Variants in ASH1L observed in about 807,000 individuals in gnomAD.
ASH1L encodes histone-lysine N-methyltransferase ASH1L.
Under a neutral mutation model 269.0 loss-of-function variants are expected in ASH1L, and 23 were observed. That is an observed-to-expected ratio of 0.09 (90% confidence interval 0.06 to 0.12). The LOEUF (loss-of-function observed/expected upper bound fraction) is 0.12. Ranked by LOEUF, ASH1L falls within the 10% of genes least tolerant of loss-of-function variation. The pLI is 1.00. For synonymous variants in ASH1L, 1,187 were observed against 1,253.5 expected (o/e 0.95, Z 1.12); for missense variants, 2,912 against 3,567.8 (o/e 0.82, Z 4.68).
intron 2 of ASH1L, among the ~76,000 whole-genome samples, chr1:155,495,832 T>C (rs563666412): frequency 1.6e-3 from 238 of 152,222 alleles, no homozygotes; most frequent in Non-Finnish European, 2.0e-3. Flanking sequence ...ACTGTGTTTC[T>C]ACTAAAAATA....
intron 2 of ASH1L, among the ~76,000 whole-genome samples, chr1:155,505,613 T>C (rs1395118501): frequency 1.3e-5 from 2 of 152,200 alleles, no homozygotes; most frequent in East Asian, 1.9e-4. Context: ...TTTATTAAGA[T>C]GACAATGTTT....
At chr1:155,505,761 T>A (rs530706324) in intron 2 of ASH1L, among the ~76,000 whole-genome samples, 1 of 152,200 alleles carries the variant, frequency 6.6e-6, no homozygotes, top group Non-Finnish European at 1.5e-5. Flanking sequence ...ATACATTTTA[T>A]AGAAAACTGG....
chr1:155,475,135 CT>C (rs2148711448), intron 3 of ASH1L, among the ~76,000 whole-genome samples: 2 of 152,142 alleles, frequency 1.3e-5, no homozygotes, highest in South Asian at 4.1e-4. Context: ...AAAACATGTT[CT>C]TCACTGTGGC....
At chr1:155,487,279 T>C (rs887081968) in intron 2 of ASH1L, among the ~76,000 whole-genome samples, 1 of 152,082 alleles carries the variant, frequency 6.6e-6, no homozygotes, top group Admixed American at 6.6e-5. Flanking sequence ...AGGAAAAATT[T>C]ATTATGATAT....
chr1:155,352,703 C>T lies in ASH1L; in HGVS notation c.7366+3G>A, dbSNP rs1654042508. Reference sequence around the variant, plus strand: ...GAACGAATTTGAAGGTGGTTATAGTCACCTTTATAAGAGATGATACCATCA... The same window carrying T: ...GAACGAATTTGAAGGTGGTTATAGTTACCTTTATAAGAGATGATACCATCA... On this transcript the variant is annotated splice_donor_region_variant and intron_variant, in intron 17 of 27. Coordinates refer to ENST00000392403, the MANE Select transcript of ASH1L (RefSeq NM_018489.3). 6.4e-7 allele frequency: 1 copy of T among 1,573,790 alleles called. No homozygotes were observed. The highest frequency in any genetic ancestry group is 2.0e-5 in the Admixed American group (1 of 49,812).
At chr1:155,421,218 G>C (rs1571166389) in intron 5 of ASH1L, among the ~76,000 whole-genome samples, 1 of 114,834 alleles carries the variant, frequency 8.7e-6, no homozygotes, top group Non-Finnish European at 1.7e-5. Flanking sequence ...AACAGAGGAA[G>C]ATTCTGTGTC....
chr1:155,480,882 T>A lies in ASH1L; in HGVS notation c.1988A>T (p.His663Leu), dbSNP rs757011864. ...KPSLTSESSI[H>L]TITPSVVNFT... ...GTTAACAACTGAAGGAGTAATAGTA[T>A]GAATGCTGGATTCAGAAGTCAAACT... The change falls in exon 3 of 28, where the codon CAT becomes CTT. Residue 663 changes from histidine (H) to leucine (L), a missense_variant. By Grantham distance (99) the His-to-Leu change is moderately conservative (BLOSUM62 -3). Around this residue, in one of 13 missense-constraint regions of ASH1L, gnomAD observed 715 missense variants for 721.0 expected, o/e 0.99. Coordinates refer to ENST00000392403, the MANE Select transcript of ASH1L (RefSeq NM_018489.3). 1.2e-6 allele frequency: 2 copies of A among 1,613,870 alleles called. No homozygotes were observed. Among genetic ancestry groups the A allele is most frequent in the African/African-American group, 2.7e-5 (2 of 74,912 alleles).
At chr1:155,462,963 A>G (rs927488104) in intron 3 of ASH1L, among the ~76,000 whole-genome samples, 1 of 152,188 alleles carries the variant, frequency 6.6e-6, no homozygotes, top group African/African-American at 2.4e-5. Flanking sequence ...TAAAGCAACC[A>G]AGTTTAAGAC....
chr1:155,470,816 T>C (rs1045002189), intron 3 of ASH1L, among the ~76,000 whole-genome samples: 1 of 152,118 alleles, frequency 6.6e-6, no homozygotes, highest in African/African-American at 2.4e-5. Flanking sequence ...CCTCCCAAAG[T>C]GCTGGAATTA....
chr1:155,490,220 TC>T (rs1666668142), intron 2 of ASH1L, among the ~76,000 whole-genome samples: 1 of 151,792 alleles, frequency 6.6e-6, no homozygotes, highest in Non-Finnish European at 1.5e-5. Context: ...CACCTCGGCC[TC>T]CCAAAGTGCT....
At position 155,480,431 on chromosome 1, in the gene ASH1L, C is replaced by T; in HGVS notation, c.2439G>A (p.Met813Ile). The T allele has an allele frequency of 1.9e-6, 3 of 1,614,108 alleles. No individual in the cohort carries two copies. The highest frequency in any genetic ancestry group is 2.5e-6 in the Non-Finnish European group (3 of 1,179,972). The part of the protein sequence containing the change: ...SFATHKLSSS[M>I]CVSSDLLSDI... ...CAGACAAAAGGTCACTAGAGACACA[C>T]ATACTGGAGGATAGTTTGTGAGTAG... Residue 813 changes from methionine to isoleucine, a missense_variant, in exon 3 of 28, where the codon ATG becomes ATA. Transcript: ENST00000392403.
At chr1:155,401,146 G>A (rs1658808271) in intron 6 of ASH1L, among the ~76,000 whole-genome samples, 1 of 151,326 alleles carries the variant, frequency 6.6e-6, no homozygotes, top group African/African-American at 2.4e-5. Flanking sequence ...GGGTGACAGA[G>A]TGAGACTCTC....
At position 155,450,490 on chromosome 1, in the gene ASH1L, T is replaced by G. The variant is rs996734218; in HGVS notation, c.5086+9307A>C. Among the ~76,000 whole-genome samples the G allele has an allele frequency of 9.6e-4, 146 of 152,372 alleles. 1 individual carries two copies. The highest frequency in any genetic ancestry group is 4.3e-4 in the Non-Finnish European group (29 of 68,038). On this transcript the variant is annotated intron_variant, in intron 4 of 27. Coordinates refer to ENST00000392403, the MANE Select transcript of ASH1L (RefSeq NM_018489.3). ...TCATTCATTTTTTTGGTCAATCTTT[T>G]ATTCCACTCTGTACTTCATTTTGGA...
intron 3 of ASH1L, among the ~76,000 whole-genome samples, chr1:155,462,454 TCAGGG>T (rs1432843676): frequency 1.3e-5 from 2 of 152,178 alleles, no homozygotes; most frequent in Non-Finnish European, 2.9e-5. Context: ...CTCACCCACC[TCAGGG>T]TAAAAAGAGG....
chr1:155,361,247 G>A (rs1654912196), intron 12 of ASH1L, among the ~76,000 whole-genome samples: 2 of 151,578 alleles, frequency 1.3e-5, no homozygotes, highest in African/African-American at 4.8e-5. Context: ...GGCCGGGTAT[G>A]GTGGCTCACA....
At chr1:155,396,388 C>T (rs1658349767) in intron 6 of ASH1L, 2 of 152,024 alleles carry the variant, frequency 1.3e-5, no homozygotes, top group South Asian at 2.1e-4. Context: ...GATCTTGGCT[C>T]ACTGCAACCT....
intron 2 of ASH1L, among the ~76,000 whole-genome samples, chr1:155,517,136 T>C (rs996926468): frequency 5.3e-5 from 8 of 152,106 alleles, no homozygotes; most frequent in Admixed American, 2.0e-4. Context: ...GAACCCCAAA[T>C]AGCCAAAACA....
At chr1:155,350,701 T>A (rs12049455) in intron 17 of ASH1L, among the ~76,000 whole-genome samples, 36,946 of 151,806 alleles carry the variant, frequency 0.24, 5,393 homozygotes, top group East Asian at 0.72. Flanking sequence ...GGCGGGCAGA[T>A]CATGAGGTCA....
chr1:155,408,724 T>A (rs1020810941), intron 6 of ASH1L, among the ~76,000 whole-genome samples: 28 of 152,022 alleles, frequency 1.8e-4, no homozygotes, highest in African/African-American at 5.6e-4. Context: ...TAGATTATAA[T>A]ATAGTCAATT....
Sources: gnomAD v4.1 joint callset for allele counts (sites outside exome capture counted in the v4.1 genomes callset) on GRCh38, gnomAD v4.1.1 for gene constraint, gnomAD v4.1.1 regional missense constraint, MANE v1.5 for transcripts, NCBI Gene and HGNC (gene_info 2026-07-23, HGNC 2026-07-21) for gene names.